PCDHGB6: variants seen among roughly 807,000 people sequenced by gnomAD.
PCDHGB6 encodes protocadherin gamma subfamily B, 6, also known as protocadherin gamma-B6.
In PCDHGB6, 51 loss-of-function variants were observed where a neutral mutation model predicts 59.1. The ratio of observed to expected loss-of-function variants is 0.86; its 90% CI spans 0.69 to 1.09. PCDHGB6 has a LOEUF of 1.09. PCDHGB6 is among the 50% of genes least tolerant of loss of function. PCDHGB6 has a pLI of 0.00. For synonymous variants in PCDHGB6, 466 were observed against 495.1 expected (o/e 0.94, Z 0.78); for missense variants, 1,148 against 1,205.1 (o/e 0.95, Z 0.70).
intron 2 of PCDHGB6, among the ~76,000 whole-genome samples, chr5:141,499,885 G>A (rs945162089): frequency 2.6e-5 from 4 of 151,850 alleles, no homozygotes; most frequent in Non-Finnish European, 4.4e-5. Flanking sequence ...ACAGGGTTTC[G>A]CCATGTTGGC....
chr5:141,481,835 C>T (rs892868552), intron 1 of PCDHGB6, among the ~76,000 whole-genome samples: 5 of 149,932 alleles, frequency 3.3e-5, no homozygotes, highest in Non-Finnish European at 7.4e-5. Flanking sequence ...GCAGGAGAAT[C>T]GCTTGATGGT....
Position 141,454,796 on chromosome 5 carries a change from A to ATTTTTTTTTTTTT in PCDHGB6, c.2419-39994_2419-39982dup, listed in dbSNP as rs61612330. On this transcript the variant is annotated intron_variant, in intron 1 of 3. Coordinates refer to ENST00000520790, the MANE Select transcript of PCDHGB6 (RefSeq NM_018926.3). ...AAGGAAATAATCCTCCATGGTTCTAATTTTTTTTTTTTTTTTTTTTTTTTT... is the reference window on the plus strand; with the variant it reads ...AAGGAAATAATCCTCCATGGTTCTAATTTTTTTTTTTTTTTTTTTTTTTTTTTTTTTTTTTTTT... Among the ~76,000 whole-genome samples the ATTTTTTTTTTTTT allele has an allele frequency of 1.7e-3, 135 of 77,462 alleles. 8 individuals carry two copies. The highest frequency in any genetic ancestry group is 2.5e-3 in the Admixed American group (14 of 5,554). The allele number at this position is 77,462 out of a possible 152,430, so 50.8% of individuals were successfully genotyped here.
intron 2 of PCDHGB6, 166 bp from the exon 3 acceptor site, chr5:141,505,227 T>C: frequency 1.2e-6 from 1 of 840,112 alleles, no homozygotes; most frequent in Non-Finnish European, 1.4e-6. Context: ...TGTGGGATTC[T>C]GGCTTCTGAA....
intron 1 of PCDHGB6, among the ~76,000 whole-genome samples, chr5:141,448,422 T>C (rs1561930551): frequency 3.9e-5 from 6 of 152,150 alleles, no homozygotes; most frequent in Admixed American, 3.3e-4. Flanking sequence ...CAATATACTA[T>C]GTATATATTG....
chr5:141,477,671 G>A lies in PCDHGB6; in HGVS notation c.2419-17136G>A, dbSNP rs1022028453. The A allele has an allele frequency of 1.2e-6, 2 of 1,614,198 alleles. No individual in the cohort carries two copies. Among genetic ancestry groups the A allele is most frequent in the Non-Finnish European group, 1.7e-6 (2 of 1,180,048 alleles). Reference sequence around the variant, plus strand: ...CACAATAAATCGTGACAATGGCATAGTGTCATCCTTAGTGCCCCTAGACTA... The same window carrying A: ...CACAATAAATCGTGACAATGGCATAATGTCATCCTTAGTGCCCCTAGACTA... On this transcript the variant is annotated intron_variant, in intron 1 of 3. Coordinates refer to ENST00000520790, the MANE Select transcript of PCDHGB6 (RefSeq NM_018926.3). This position sits in a 1 kb window ranked among gnomAD's most constrained non-coding sequence, Gnocchi z 4.9.
chr5:141,423,574 C>T (rs953989787), intron 1 of PCDHGB6: 2 of 1,613,328 alleles, frequency 1.2e-6, no homozygotes, highest in Non-Finnish European at 1.7e-6. Flanking sequence ...GCTCATCAGC[C>T]AGGAGAGCTG....
chr5:141,426,090 T>G (rs545457395), intron 1 of PCDHGB6, among the ~76,000 whole-genome samples: 1 of 152,246 alleles, frequency 6.6e-6, no homozygotes, highest in African/African-American at 2.4e-5. Context: ...CAGGACGATA[T>G]TCTGTTCAGT....
intron 1 of PCDHGB6, chr5:141,415,500 C>G (rs754684999): frequency 6.2e-6 from 10 of 1,614,074 alleles, no homozygotes; most frequent in Non-Finnish European, 8.5e-6. Context: ...TGATCTTCCC[C>G]CAGCCCAATT....
chr5:141,438,526 G>A (rs188552043), intron 1 of PCDHGB6, among the ~76,000 whole-genome samples: 11 of 143,330 alleles, frequency 7.7e-5, no homozygotes, highest in Non-Finnish European at 1.5e-4. Flanking sequence ...ATTTTACATG[G>A]ACTTTTCCTC....
At chr5:141,480,398 G>C (rs2099518275) in intron 1 of PCDHGB6, among the ~76,000 whole-genome samples, 1 of 149,050 alleles carries the variant, frequency 6.7e-6, no homozygotes, top group Non-Finnish European at 1.5e-5. Context: ...CATGGCAATA[G>C]AGTGAGACCC....
intron 1 of PCDHGB6, chr5:141,426,347 T>C (rs977411941): frequency 5.2e-6 from 1 of 193,980 alleles, no homozygotes; most frequent in African/African-American, 2.3e-5. Context: ...TTCCCTTTCC[T>C]GCTGCCTTTG....
chr5:141,418,969 A>C, intron 1 of PCDHGB6: 1 of 1,614,028 alleles, frequency 6.2e-7, no homozygotes, highest in Non-Finnish European at 8.5e-7. Flanking sequence ...CCCTCTTCAA[A>C]ACACGGGACC....
At position 141,491,828 on chromosome 5, in the gene PCDHGB6, G is replaced by C. The variant is rs1389234164; in HGVS notation, c.2419-2979G>C. ...CTTGGTCGCTGGCTGCGCTCCACCC[G>C]ATTCTCGGGATCATTGGACCGTTTG... On this transcript the variant is annotated intron_variant, in intron 1 of 3. Coordinates refer to ENST00000520790, the MANE Select transcript of PCDHGB6 (RefSeq NM_018926.3). The surrounding 1 kb of genome is among the most constrained non-coding windows in gnomAD (Gnocchi z 6.9). 4.1e-6 allele frequency: 6 copies of C among 1,475,668 alleles called. No homozygotes were observed. The highest frequency in any genetic ancestry group is 5.4e-6 in the Non-Finnish European group (6 of 1,113,522). 91.4% of individuals were successfully genotyped at this position (1,475,668 alleles called of 1,614,324 possible).
At chr5:141,418,877 G>T in intron 1 of PCDHGB6, 1 of 1,613,960 alleles carries the variant, frequency 6.2e-7, no homozygotes, top group Non-Finnish European at 8.5e-7. Context: ...AGTTGTAGAC[G>T]AAAACGACAA....
chr5:141,432,692 G>A lies in PCDHGB6; in HGVS notation c.2418+22072G>A. The A allele has an allele frequency of 6.2e-7, 1 of 1,613,964 alleles. No homozygotes were observed. Among genetic ancestry groups the A allele is most frequent in the Non-Finnish European group, 8.5e-7 (1 of 1,179,978 alleles). On this transcript the variant is annotated intron_variant, in intron 1 of 3. Transcript: ENST00000520790. The surrounding 1 kb of genome is among the most constrained non-coding windows in gnomAD (Gnocchi z 6.0). ...CGCGCTCAAGCAGAGCCTCGTAGTG[G>A]CCGTCCAGGACCACGGCCAGCCCCC...
chr5:141,414,415 C>A (rs769791452), intron 1 of PCDHGB6: 1 of 1,613,876 alleles, frequency 6.2e-7, no homozygotes, highest in Admixed American at 1.7e-5. Context: ...ACACAGAGCC[C>A]TTGACAGGGA....
chr5:141,478,668 T>G (rs1411369994), intron 1 of PCDHGB6: 40 of 1,551,660 alleles, frequency 2.6e-5, no homozygotes, highest in Non-Finnish European at 3.4e-5. Flanking sequence ...CATTCACACT[T>G]TCAACTGGCC....
At position 141,505,200 on chromosome 5, in the gene PCDHGB6, G is replaced by T. The variant is rs528060752; in HGVS notation, c.2478-193G>T. On this transcript the variant is annotated intron_variant, in intron 2 of 3. Transcript: ENST00000520790. ...AAAGCATCGGAGGCAGCAAAGAGCTGGTTTGAGGGACTGACTTGTGGGATT... is the reference window on the plus strand; with the variant it reads ...AAAGCATCGGAGGCAGCAAAGAGCTTGTTTGAGGGACTGACTTGTGGGATT... Among the ~76,000 whole-genome samples the T allele has an allele frequency of 6.6e-5, 10 of 152,244 alleles. No individual in the cohort carries two copies. The East Asian group carries it at 7.7e-4, about 12-fold the overall frequency.
At chr5:141,413,924 A>T in intron 1 of PCDHGB6, 1 of 1,613,408 alleles carries the variant, frequency 6.2e-7, no homozygotes, top group Non-Finnish European at 8.5e-7. Context: ...ACCTTGCCAG[A>T]ATACCGAGTG....
Sources: allele counts gnomAD v4.1 joint callset (sites outside exome capture counted in the v4.1 genomes callset), GRCh38; gene constraint gnomAD v4.1.1; non-coding constraint Gnocchi (gnomAD v3.1); transcripts MANE v1.5; gene names NCBI Gene and HGNC (gene_info 2026-07-23, HGNC 2026-07-21).